Variants in MDN1 observed in about 807,000 individuals in gnomAD.
The protein encoded by MDN1 is midasin.
In MDN1, 266 loss-of-function variants were observed where a neutral mutation model predicts 669.2. That is an observed-to-expected ratio of 0.40 (90% CI 0.36 to 0.44). The LOEUF is 0.44. Ranked by LOEUF, MDN1 falls within the 20% of genes least tolerant of loss-of-function variation. The pLI, the probability that MDN1 is intolerant of heterozygous loss-of-function variation, is 1.00. For missense variants in MDN1, 5,940 were observed against 6,754.0 expected, an observed-to-expected ratio of 0.88 and a Z score of 4.22; for synonymous variants, 2,385 against 2,457.1, an observed-to-expected ratio of 0.97 and a Z score of 0.87.
At position 89,766,415 on chromosome 6, in the gene MDN1, A is replaced by G. The variant is rs564325567; in HGVS notation, c.2145-3885T>C. ...TGAAAAAACATACATTTCAAAAAAGAATAAACAAAACAAAATCAACTGCAA... is the reference window on the plus strand; with the variant it reads ...TGAAAAAACATACATTTCAAAAAAGGATAAACAAAACAAAATCAACTGCAA... On this transcript the variant is annotated intron_variant, in intron 15 of 101. Coordinates refer to ENST00000369393, the MANE Select transcript of MDN1 (RefSeq NM_014611.3). 5.3e-4 allele frequency among the ~76,000 whole-genome samples: 81 copies of G among 152,352 alleles called. 1 individual carries two copies. The Middle Eastern group carries it at 0.01, about 19-fold the overall frequency.
chr6:89,688,006 C>T (rs1812135185), intron 67 of MDN1, 72 bp downstream of exon 67: 1 of 1,303,514 alleles, frequency 7.7e-7, no homozygotes, highest in Non-Finnish European at 1.1e-6. Context: ...TGTCTAACAA[C>T]AAAGGTGCCA....
intron 10 of MDN1, chr6:89,781,157 C>T (rs1584361221): frequency 1.9e-6 from 1 of 529,802 alleles, no homozygotes; most frequent in Non-Finnish European, 3.4e-6. Context: ...AAAAACATTA[C>T]CCTAATCGAG....
In MDN1 at chr6:89,690,710, T is replaced by C; in HGVS notation, c.10712A>G (p.Glu3571Gly). 6.2e-7 allele frequency: 1 copy of C among 1,614,158 alleles called. No individual in the cohort carries two copies. Among genetic ancestry groups the C allele is most frequent in the Non-Finnish European group, 8.5e-7 (1 of 1,180,032 alleles). The change falls in exon 64 of 102, where the codon GAA becomes GGA. Residue 3571 changes from glutamate (E) to glycine (G), a missense_variant. This residue lies in a region of MDN1 where 2,280 missense variants were observed against 2,576.3 expected (regional missense o/e 0.88). Transcript: ENST00000369393. ...RTALSEEEEEEREFRKQFPLH... is the reference protein window; with the variant it reads ...RTALSEEEEEGREFRKQFPLH... The stretch of plus-strand genomic sequence containing the variant: ...GGGGAACTGTTTTCTGAACTCCCGT[T>C]CTTCCTCCTCCTCTTCACTCAGGGC...
chr6:89,672,253 G>T lies in MDN1; in HGVS notation c.13741C>A (p.Leu4581Met). Reference sequence around the variant, plus strand: ...CCGTACGATTTCAGCCTCTCCAACAGCTCGGAGATGGCAGAAATTATTTTC... The same window carrying T: ...CCGTACGATTTCAGCCTCTCCAACATCTCGGAGATGGCAGAAATTATTTTC... ...VQKIISAISE[L>M]LERLKSYGED... Residue 4581 changes from leucine (L) to methionine (M), a missense_variant, in exon 82 of 102, where the codon CTG (leucine) becomes ATG (methionine). By Grantham distance (15) the Leu-to-Met change is conservative. This residue lies in a region of MDN1 where 2,280 missense variants were observed against 2,576.3 expected (regional missense o/e 0.88). Transcript: ENST00000369393. The T allele has an allele frequency of 2.5e-6, 4 of 1,611,820 alleles. No individual in the cohort carries two copies. Among genetic ancestry groups the T allele is most frequent in the Non-Finnish European group, 3.4e-6 (4 of 1,179,576 alleles).
intron 12 of MDN1, among the ~76,000 whole-genome samples, chr6:89,776,387 G>A (rs1562206783): frequency 6.6e-6 from 1 of 152,170 alleles, no homozygotes; most frequent in African/African-American, 2.4e-5. Context: ...CTTGAACCTA[G>A]GAGGCAGAGG....
At position 89,725,423 on chromosome 6, in the gene MDN1, T is replaced by G. The variant is rs756775439; in HGVS notation, c.5473-27A>C. ...TATTTAAAGAAGAAAGTACATAATTTGTCTCAAATATATTATACAACTGCA... is the reference window on the plus strand; with the variant it reads ...TATTTAAAGAAGAAAGTACATAATTGGTCTCAAATATATTATACAACTGCA... On this transcript the variant is annotated intron_variant, in intron 37 of 101. Coordinates refer to ENST00000369393, the MANE Select transcript of MDN1 (RefSeq NM_014611.3). 7 of 1,571,460 alleles carry G rather than the reference T, an allele frequency of 4.5e-6. No homozygotes were observed. The African/African-American group carries it at 9.5e-5, about 21-fold the overall frequency.
intron 29 of MDN1, among the ~76,000 whole-genome samples, chr6:89,744,052 G>A (rs951795371): frequency 2.4e-4 from 35 of 143,702 alleles, no homozygotes; most frequent in Non-Finnish European, 4.1e-4. Context: ...GTGGTGAGCC[G>A]AGATCACGCC....
chr6:89,771,575 T>G lies in MDN1; in HGVS notation c.2130A>C (p.Ala710=). The change falls in exon 15 of 102, where the codon GCA becomes GCC. Residue 710 remains alanine (A), a synonymous_variant. Coordinates refer to ENST00000369393, the MANE Select transcript of MDN1 (RefSeq NM_014611.3). ...VVNMNQQSDT[A]DLLGGYKPVD... ...GCCACACTTACCCTCCAAGCAAGTC[T>G]GCAGTATCACTTTGTTGATTCATAT... is the stretch of plus-strand genomic sequence containing the variant. The G allele has an allele frequency of 2.5e-6, 4 of 1,613,964 alleles. No homozygotes were observed. Among genetic ancestry groups the G allele is most frequent in the Non-Finnish European group, 3.4e-6 (4 of 1,179,908 alleles).
At chr6:89,708,456 A>C (rs746987821) in intron 51 of MDN1, 40 bp downstream of exon 51, 1 of 1,605,852 alleles carries the variant, frequency 6.2e-7, no homozygotes, top group East Asian at 2.2e-5. Flanking sequence ...CCGAGAAGCC[A>C]GTGAGGCAAA....
At chr6:89,677,420 G>T in intron 76 of MDN1, 150 bp downstream of exon 76, 1 of 899,286 alleles carries the variant, frequency 1.1e-6, no homozygotes, top group African/African-American at 1.7e-5. Flanking sequence ...ATGTCCATCA[G>T]GAGTCAGATC....
Position 89,790,541 on chromosome 6 carries a change from G to A in MDN1, c.856-140C>T, listed in dbSNP as rs1053405413. 1.9e-5 allele frequency: 20 copies of A among 1,031,192 alleles called. 1 individual carries two copies. Among genetic ancestry groups the A allele is most frequent in the Admixed American group, 9.3e-5 (4 of 43,036 alleles). The allele number at this position is 1,031,192 out of a possible 1,614,324, so 63.9% of individuals were successfully genotyped here. A position where few individuals can be genotyped will look rare whatever the true frequency, so the allele number is the denominator to read the frequency against. ...TAGTACCAAAACTATAATAACAACA[G>A]GTATGTCATCTAAAGATCTCATGGG... On this transcript the variant is annotated intron_variant, in intron 5 of 101. Coordinates refer to ENST00000369393, the MANE Select transcript of MDN1 (RefSeq NM_014611.3).
At chr6:89,644,316 T>A in intron 101 of MDN1, 123 bp from the exon 102 acceptor site, 1 of 700,510 alleles carries the variant, frequency 1.4e-6, no homozygotes, top group Non-Finnish European at 2.2e-6. Flanking sequence ...CATATGAACC[T>A]ACCTTTTATT....
intron 95 of MDN1, among the ~76,000 whole-genome samples, 176 bp from the exon 96 acceptor site, chr6:89,651,023 C>G (rs943353548): frequency 1.3e-5 from 2 of 152,116 alleles, no homozygotes; most frequent in African/African-American, 4.8e-5. Context: ...TTAAAAATGT[C>G]TCTCCTTCCA....
chr6:89,746,605 AAAAAAAAAAGAAAG>A lies in MDN1; in HGVS notation c.3904+710_3904+723del, dbSNP rs199508137. On this transcript the variant is annotated intron_variant, in intron 27 of 101. Coordinates refer to ENST00000369393, the MANE Select transcript of MDN1 (RefSeq NM_014611.3). ...GGAGACTCTATCTCAAAAAAAAAAA[AAAAAAAAAAGAAAG>A]AAAGAAAGAAAGAAAGAAAGAAAGA... Among the ~76,000 whole-genome samples the A allele has an allele frequency of 5.2e-3, 413 of 79,850 alleles. 15 individuals carry two copies. The East Asian group carries it at 0.067, about 13-fold the overall frequency. 52.4% of individuals were successfully genotyped at this position (79,850 alleles called of 152,430 possible).
chr6:89,668,091 G>A lies in MDN1; in HGVS notation c.14017C>T (p.His4673Tyr). The A allele has an allele frequency of 6.2e-7, 1 of 1,614,046 alleles. No individual in the cohort carries two copies. Among genetic ancestry groups the A allele is most frequent in the Non-Finnish European group, 8.5e-7 (1 of 1,179,992 alleles). ...CCAATTCCACCTCCCTCATAGTCATGGAACTCAGTTGCTCCCTCTCCAGCT... is the reference window on the plus strand; with the variant it reads ...CCAATTCCACCTCCCTCATAGTCATAGAACTCAGTTGCTCCCTCTCCAGCT... Reference protein sequence around the residue: ...DSAGEGATEFHDYEGGGIGEG... With the variant: ...DSAGEGATEFYDYEGGGIGEG... The change falls in exon 84 of 102, where the codon CAT (histidine) becomes TAT (tyrosine). Residue 4673 changes from histidine (H) to tyrosine (Y), a missense_variant. Around this residue, in one of 5 missense-constraint regions of MDN1, gnomAD observed 2,280 missense variants for 2,576.3 expected, o/e 0.88. Coordinates refer to ENST00000369393, the MANE Select transcript of MDN1 (RefSeq NM_014611.3).
chr6:89,670,170 A>ATATATTTTTTTTTTTTTT (rs1444537561), intron 83 of MDN1, among the ~76,000 whole-genome samples: 2 of 23,414 alleles, frequency 8.5e-5, no homozygotes, highest in Admixed American at 9.6e-4. Flanking sequence ...ATATATATAT[A>ATATATTTTTTTTTTTTTT]TTTTTTTTTT....
At chr6:89,754,051 C>T (rs1242349644) in intron 21 of MDN1, 32 bp downstream of exon 21, 1 of 1,605,298 alleles carries the variant, frequency 6.2e-7, no homozygotes, top group East Asian at 2.2e-5. Flanking sequence ...ATCCATTAAG[C>T]TCATATCCAG....
rs557559621 is a variant in MDN1 at position 89,716,536 on chromosome 6, C to T, written c.6743+114G>A. Reference sequence around the variant, plus strand: ...TACAGAATATGGCTGAGGACGCTTGCGTAATTAAGAAAAACAGTAGCTTCA... The same window carrying T: ...TACAGAATATGGCTGAGGACGCTTGTGTAATTAAGAAAAACAGTAGCTTCA... On this transcript the variant is annotated intron_variant, in intron 44 of 101. Transcript: ENST00000369393. The T allele has an allele frequency of 2.9e-3, 3,482 of 1,198,696 alleles. 14 individuals carry two copies. The highest frequency in any genetic ancestry group is 3.6e-3 in the Non-Finnish European group (3,131 of 871,158). The allele number at this position is 1,198,696 out of a possible 1,614,324, so 74.3% of individuals were successfully genotyped here. A position where few individuals can be genotyped will look rare whatever the true frequency, so the allele number is the denominator to read the frequency against.
Position 89,671,029 on chromosome 6 carries a change from T to C in MDN1, c.13846A>G (p.Ser4616Gly). 1 of 1,614,028 alleles carries C rather than the reference T, an allele frequency of 6.2e-7. No individual in the cohort carries two copies. The highest frequency in any genetic ancestry group is 1.1e-5 in the South Asian group (1 of 91,066). The change falls in exon 83 of 102, where the codon AGC becomes GGC. Residue 4616 changes from serine to glycine, a missense_variant. Ser to Gly is a moderately conservative substitution (Grantham distance 56). Coordinates refer to ENST00000369393, the MANE Select transcript of MDN1 (RefSeq NM_014611.3). ...AAGAAGAGGACGAGGTCTGAGTAGC[T>C]GGAGAGGACCGGCACCAGGCGCACC... is the stretch of plus-strand genomic sequence containing the variant. Reference protein sequence around the residue: ...LLVRLVPVLSSYSDLVLFFLT... With the variant: ...LLVRLVPVLSGYSDLVLFFLT...
Sources: gnomAD v4.1 joint callset for allele counts (sites outside exome capture counted in the v4.1 genomes callset) on GRCh38, gnomAD v4.1.1 for gene constraint, gnomAD v4.1.1 regional missense constraint, MANE v1.5 for transcripts, NCBI Gene and HGNC (gene_info 2026-07-23, HGNC 2026-07-21) for gene names.